Variants in ZNF438 observed in about 807,000 individuals in gnomAD.
ZNF438 encodes the protein zinc finger protein 438.
Under a neutral mutation model 38.0 loss-of-function variants are expected in ZNF438, and 25 were observed. The observed-to-expected ratio is 0.66, with a 90% CI of 0.48 to 0.92. The LOEUF (loss-of-function observed/expected upper bound fraction) is 0.92. Ranked by LOEUF, ZNF438 falls within the 40% of genes least tolerant of loss-of-function variation. The pLI, the probability that ZNF438 is intolerant of heterozygous loss-of-function variation, is 0.00. For synonymous variants in ZNF438, 372 were observed against 364.1 expected (o/e 1.02, Z -0.25); for missense variants, 1,007 against 999.6 (o/e 1.01, Z -0.10).
At chr10:31,029,145 C>CGATG (rs1256449533) in intron 1 of ZNF438, among the ~76,000 whole-genome samples, 1 of 152,218 alleles carries the variant, frequency 6.6e-6, no homozygotes, top group Non-Finnish European at 1.5e-5. Flanking sequence ...CTAGCTACAT[C>CGATG]ACTCACCAGC....
chr10:30,934,023 G>A (rs1240646034), intron 2 of ZNF438, among the ~76,000 whole-genome samples: 4 of 152,116 alleles, frequency 2.6e-5, no homozygotes, highest in African/African-American at 9.7e-5. Context: ...GCGGGTGCCT[G>A]TAGTCCCAGC....
At position 30,845,081 on chromosome 10, in the gene ZNF438, C is replaced by G. The variant is rs144054252; in HGVS notation, c.2367G>C (p.Glu789Asp). ...GGTGCTTCCAGTGGTGGAGGAGGTC[C>G]TCTTTCCGTCCCAGCATCTCTGCAC... The change falls in exon 6 of 6, where the codon GAG becomes GAC. Residue 789 changes from glutamate to aspartate, a missense_variant. Physicochemically the swap from Glu to Asp is conservative, Grantham distance 45. Coordinates refer to ENST00000413025, the Ensembl canonical transcript of ZNF438. The G allele has an allele frequency of 1.7e-4, 274 of 1,614,164 alleles. No homozygotes were observed. The African/African-American group carries it at 2.5e-3, about 15-fold the overall frequency.
chr10:30,854,601 G>C (rs1362694597), intron 4 of ZNF438, among the ~76,000 whole-genome samples: 1 of 152,022 alleles, frequency 6.6e-6, no homozygotes, highest in Non-Finnish European at 1.5e-5. Flanking sequence ...AAAAGAAACA[G>C]AGGATATTTC....
chr10:31,023,254 G>T (rs74134366), intron 1 of ZNF438, among the ~76,000 whole-genome samples: 2 of 152,116 alleles, frequency 1.3e-5, no homozygotes, highest in African/African-American at 4.8e-5. Context: ...AAAAACAACA[G>T]ACTTCTAGAT....
At chr10:31,006,975 C>T (rs2132971474) in intron 1 of ZNF438, among the ~76,000 whole-genome samples, 1 of 152,006 alleles carries the variant, frequency 6.6e-6, no homozygotes, top group African/African-American at 2.4e-5. Context: ...CCAGATGGGC[C>T]CAAAGTAATC....
Position 30,865,833 on chromosome 10 carries a change from G to A in ZNF438, c.37+11165C>T, listed in dbSNP as rs1021507800. On this transcript the variant is annotated intron_variant, in intron 4 of 5. Coordinates refer to ENST00000413025, the Ensembl canonical transcript of ZNF438. ...AATTTGAGCAAGATAATAATCCTTC[G>A]GCCTTCCTGGCCGTAGTTTCCTCTC... 5.3e-5 allele frequency among the ~76,000 whole-genome samples: 8 copies of A among 152,228 alleles called. No individual in the cohort carries two copies. The South Asian group carries it at 1.0e-3, about 20-fold the overall frequency.
chr10:30,865,634 C>T (rs10826877), intron 4 of ZNF438, among the ~76,000 whole-genome samples: 1 of 151,998 alleles, frequency 6.6e-6, no homozygotes, highest in African/African-American at 2.4e-5. Context: ...TGCTCCTTTA[C>T]TAAACTTGAT....
chr10:30,863,588 A>T (rs550406588), intron 4 of ZNF438, among the ~76,000 whole-genome samples: 5 of 152,156 alleles, frequency 3.3e-5, no homozygotes, highest in Non-Finnish European at 7.4e-5. Flanking sequence ...GGTTGAAGGG[A>T]ATATCTATTC....
At position 31,000,788 on chromosome 10, in the gene ZNF438, A is replaced by T. The variant is rs573370152; in HGVS notation, c.-192+31045T>A. 1.2e-3 allele frequency among the ~76,000 whole-genome samples: 188 copies of T among 152,054 alleles called. 2 individuals are homozygous for T. Among genetic ancestry groups the T allele is most frequent in the African/African-American group, 4.3e-3 (177 of 41,442 alleles). ...AGAAAAGCATGCAAAAAAAAAAAAA[A>T]CTTTTCTTGTGTTTCCTTGTTATAA... On this transcript the variant is annotated intron_variant, in intron 1 of 5. Transcript: ENST00000413025.
chr10:30,921,312 CAAAT>C (rs1035078792), intron 2 of ZNF438: 1 of 152,158 alleles, frequency 6.6e-6, no homozygotes, highest in African/African-American at 2.4e-5. Context: ...AATAAAGTCT[CAAAT>C]AAATCATTTT....
intron 1 of ZNF438, among the ~76,000 whole-genome samples, chr10:31,013,669 T>G (rs1228048237): frequency 6.6e-6 from 1 of 152,144 alleles, no homozygotes; most frequent in Non-Finnish European, 1.5e-5. Flanking sequence ...AATCTGCAAC[T>G]TAAGGTATCC....
intron 4 of ZNF438, among the ~76,000 whole-genome samples, chr10:30,867,181 G>A (rs1272811044): frequency 6.6e-6 from 1 of 152,018 alleles, no homozygotes; most frequent in African/African-American, 2.4e-5. Flanking sequence ...TGGAAAGCTG[G>A]CTTTTAAAAA....
At chr10:30,925,558 C>G (rs2044816256) in intron 2 of ZNF438, among the ~76,000 whole-genome samples, 1 of 152,188 alleles carries the variant, frequency 6.6e-6, no homozygotes, top group Non-Finnish European at 1.5e-5. Flanking sequence ...AATTTGCTAT[C>G]CCCTTCACAG....
intron 4 of ZNF438, among the ~76,000 whole-genome samples, chr10:30,874,147 T>TATATATATATATATATACATAC: frequency 1.3e-5 from 1 of 76,828 alleles, no homozygotes; most frequent in African/African-American, 7.7e-5. Flanking sequence ...TATATATATA[T>TATATATATATATATATACATAC]ATATATATAT....
intron 1 of ZNF438, among the ~76,000 whole-genome samples, chr10:30,995,222 A>C (rs1272092656): frequency 6.6e-6 from 1 of 152,206 alleles, no homozygotes; most frequent in Non-Finnish European, 1.5e-5. Context: ...AAATCTTGAG[A>C]GCCAAAGACA....
intron 4 of ZNF438, among the ~76,000 whole-genome samples, chr10:30,872,903 A>G (rs564497293): frequency 2.0e-5 from 3 of 152,208 alleles, no homozygotes; most frequent in Non-Finnish European, 4.4e-5. Flanking sequence ...ACAAACTTCA[A>G]TGGTCAATTG....
intron 1 of ZNF438, among the ~76,000 whole-genome samples, chr10:30,967,755 G>A (rs7901591): frequency 0.079 from 12,052 of 152,096 alleles, 563 homozygotes; most frequent in Non-Finnish European, 0.11. Flanking sequence ...CAGGAGGTTC[G>A]CCTACAAGAT....
In ZNF438 at chr10:30,974,219, C is replaced by T. The variant is rs561205394; in HGVS notation, c.-191-32568G>A. 2.5e-3 allele frequency among the ~76,000 whole-genome samples: 375 copies of T among 152,298 alleles called. 1 individual carries two copies. The highest frequency in any genetic ancestry group is 8.5e-3 in the African/African-American group (352 of 41,556). ...TCCCAGCTAGGTGCAGGTGCTCAGG[C>T]CTATAATCCCAACATTTTGGGAGGC... On this transcript the variant is annotated intron_variant, in intron 1 of 5. Coordinates refer to ENST00000413025, the Ensembl canonical transcript of ZNF438.
At position 30,849,559 on chromosome 10, in the gene ZNF438, CT is replaced by C; in HGVS notation, c.845del (p.Gln282ArgfsTer2). The C allele has an allele frequency of 6.2e-7, 1 of 1,614,232 alleles. No homozygotes were observed. Among genetic ancestry groups the C allele is most frequent in the Non-Finnish European group, 8.5e-7 (1 of 1,180,044 alleles). ...TCCCTTTGGGGACTGAAGAGATCAACTGAACTGCATTGCCAAGAATGGTTGG... is the reference window on the plus strand; with the variant it reads ...TCCCTTTGGGGACTGAAGAGATCAACGAACTGCATTGCCAAGAATGGTTGG... On this transcript the variant is annotated frameshift_variant, in exon 5 of 6. Transcript: ENST00000413025. LOFTEE classifies it high-confidence loss of function.
Sources: allele counts gnomAD v4.1 joint callset (sites outside exome capture counted in the v4.1 genomes callset), GRCh38; gene constraint gnomAD v4.1.1; transcripts MANE v1.5; gene names NCBI Gene and HGNC (gene_info 2026-07-23, HGNC 2026-07-21).